PLPPR5: variants seen among roughly 807,000 people sequenced by gnomAD.
The protein encoded by PLPPR5 is phospholipid phosphatase-related protein type 5.
In PLPPR5, 16 loss-of-function variants were observed where a neutral mutation model predicts 33.9. That is an observed-to-expected ratio of 0.47 (90% CI 0.32 to 0.72). The LOEUF (loss-of-function observed/expected upper bound fraction) is 0.72, where lower values mean the gene tolerates loss of function less well. Ranked by LOEUF, PLPPR5 falls within the 30% of genes least tolerant of loss-of-function variation. The pLI is 0.03. For missense variants in PLPPR5, 301 were observed against 406.7 expected (o/e 0.74, Z 2.23); for synonymous variants, 163 against 150.3 (o/e 1.08, Z -0.62).
chr1:98,908,735 G>T (rs955033963), intron 5 of PLPPR5, among the ~76,000 whole-genome samples: 1 of 152,164 alleles, frequency 6.6e-6, no homozygotes, highest in Non-Finnish European at 1.5e-5. Flanking sequence ...AATGGGGATG[G>T]CTGCAGGTGC....
chr1:98,919,894 A>C (rs752163065), intron 4 of PLPPR5, among the ~76,000 whole-genome samples: 1 of 152,168 alleles, frequency 6.6e-6, no homozygotes, highest in Non-Finnish European at 1.5e-5. Context: ...AGAGCCTTAT[A>C]ATGATCCTTT....
chr1:99,002,957 C>CT (rs756416172), intron 1 of PLPPR5, among the ~76,000 whole-genome samples: 6,974 of 142,100 alleles, frequency 0.049, 215 homozygotes, highest in East Asian at 0.14. Context: ...AAAAATCGAC[C>CT]TTTTTTTTTT....
intron 5 of PLPPR5, 67 bp from the exon 6 acceptor site, chr1:98,893,171 A>G: frequency 7.1e-7 from 1 of 1,416,478 alleles, no homozygotes; most frequent in African/African-American, 1.4e-5. Context: ...AATATGTAGT[A>G]CCTTTACAAA....
intron 1 of PLPPR5, among the ~76,000 whole-genome samples, chr1:98,966,242 T>C (rs954031466): frequency 2.6e-5 from 4 of 152,206 alleles, no homozygotes; most frequent in Non-Finnish European, 5.9e-5. Context: ...TATTCTTTTA[T>C]AATAATTTGT....
intron 1 of PLPPR5, among the ~76,000 whole-genome samples, chr1:98,973,049 G>C (rs1456250454): frequency 2.6e-5 from 4 of 152,178 alleles, no homozygotes; most frequent in African/African-American, 9.6e-5. Flanking sequence ...ACAGAGAAGA[G>C]ACACCTGGAT....
At chr1:98,958,753 A>G (rs1175448608) in intron 1 of PLPPR5, among the ~76,000 whole-genome samples, 1 of 152,158 alleles carries the variant, frequency 6.6e-6, no homozygotes, top group African/African-American at 2.4e-5. Flanking sequence ...AGAGATTACC[A>G]TGATGATGCT....
At chr1:98,946,966 C>A (rs72730347) in intron 3 of PLPPR5, among the ~76,000 whole-genome samples, 12,948 of 151,810 alleles carry the variant, frequency 0.085, 611 homozygotes, top group African/African-American at 0.12. Context: ...GTGGAAGGGG[C>A]CCATGAAGGC....
intron 3 of PLPPR5, among the ~76,000 whole-genome samples, chr1:98,951,996 C>T (rs1191578534): frequency 6.6e-6 from 1 of 152,190 alleles, no homozygotes; most frequent in Non-Finnish European, 1.5e-5. Flanking sequence ...GGTGCAGCAG[C>T]TCACGCCTGT....
At chr1:98,982,859 T>C (rs965194841) in intron 1 of PLPPR5, among the ~76,000 whole-genome samples, 2 of 152,074 alleles carry the variant, frequency 1.3e-5, no homozygotes, top group Non-Finnish European at 2.9e-5. Context: ...AGGACTCTGA[T>C]CTTTTTGCAT....
intron 5 of PLPPR5, among the ~76,000 whole-genome samples, chr1:98,902,029 T>C (rs530636399): frequency 1.3e-5 from 2 of 152,176 alleles, no homozygotes; most frequent in East Asian, 1.9e-4. Flanking sequence ...AAATGGAAAT[T>C]AAGGATTCAT....
chr1:98,965,379 C>A (rs1427773767), intron 1 of PLPPR5, among the ~76,000 whole-genome samples: 1 of 136,578 alleles, frequency 7.3e-6, no homozygotes, highest in African/African-American at 2.8e-5. Context: ...CTCCTCGAAT[C>A]TTGCCCTGCC....
intron 5 of PLPPR5, among the ~76,000 whole-genome samples, chr1:98,905,934 G>C (rs918893232): frequency 1.3e-5 from 2 of 152,026 alleles, no homozygotes; most frequent in African/African-American, 2.4e-5. Flanking sequence ...AAATTCTGAA[G>C]ACATTACTCC....
intron 1 of PLPPR5, among the ~76,000 whole-genome samples, chr1:98,961,145 G>C (rs897694018): frequency 1.2e-4 from 19 of 152,102 alleles, no homozygotes; most frequent in African/African-American, 3.9e-4. Context: ...GGCTCTCCTT[G>C]CTGTCTCTGG....
chr1:98,893,068 G>A lies in PLPPR5; in HGVS notation c.*4C>T, dbSNP rs377149949. On this transcript the variant is annotated 3_prime_UTR_variant, in exon 6 of 6. Transcript: ENST00000263177. ...AATGCAGTGAAAAACCATCTGCTTC[G>A]ATATCATGTGACTTCTGCGAAGGCA... 1.7e-5 allele frequency: 28 copies of A among 1,610,720 alleles called. No individual in the cohort carries two copies. The African/African-American group carries it at 2.0e-4, about 12-fold the overall frequency.
intron 3 of PLPPR5, among the ~76,000 whole-genome samples, chr1:98,947,569 T>A (rs540157417): frequency 1.3e-5 from 2 of 152,184 alleles, no homozygotes; most frequent in Non-Finnish European, 2.9e-5. Flanking sequence ...TAAGATACAA[T>A]GGGAAAGTAT....
intron 5 of PLPPR5, among the ~76,000 whole-genome samples, chr1:98,894,982 T>C (rs888589617): frequency 1.3e-5 from 2 of 152,000 alleles, no homozygotes; most frequent in African/African-American, 4.8e-5. Flanking sequence ...CATCTAAATA[T>C]GGACATGTGG....
chr1:99,004,377 C>T (rs1652985390), intron 1 of PLPPR5, 58 bp downstream of exon 1: 1 of 1,457,264 alleles, frequency 6.9e-7, no homozygotes, highest in Non-Finnish European at 9.3e-7. Flanking sequence ...GCCTCAACCC[C>T]GAAGGCGAGG....
chr1:98,917,296 T>G (rs2101155749), intron 4 of PLPPR5, among the ~76,000 whole-genome samples: 1 of 152,320 alleles, frequency 6.6e-6, no homozygotes, highest in Non-Finnish European at 1.5e-5. Flanking sequence ...ATTTCTTATA[T>G]TTGCTTCATT....
chr1:98,990,272 G>A (rs1215584204), intron 1 of PLPPR5, among the ~76,000 whole-genome samples: 2 of 152,136 alleles, frequency 1.3e-5, no homozygotes, highest in African/African-American at 4.8e-5. Context: ...AGGAGGCTGA[G>A]GCAGGAGAAT....
Sources: allele counts gnomAD v4.1 joint callset (sites outside exome capture counted in the v4.1 genomes callset), GRCh38; gene constraint gnomAD v4.1.1; transcripts MANE v1.5; gene names NCBI Gene and HGNC (gene_info 2026-07-23, HGNC 2026-07-21).